ANK3: variants seen among roughly 807,000 people sequenced by gnomAD.
The protein encoded by ANK3 is ankyrin-3.
ANK3 carries 57 observed loss-of-function variants against 370.9 expected under a neutral mutation model. The observed-to-expected ratio is 0.15, with a 90% CI of 0.12 to 0.19. The LOEUF is 0.19. Among genes scored for constraint, ANK3 ranks in the 10% least tolerant of loss-of-function variants. The pLI, the probability that ANK3 is intolerant of heterozygous loss-of-function variation, is 1.00. For missense variants in ANK3, 4,439 were observed against 5,302.1 expected (o/e 0.84, Z 5.06); for synonymous variants, 1,929 against 1,946.3 (o/e 0.99, Z 0.23).
At chr10:60,514,207 A>G (rs1595182446) in intron 2 of ANK3, among the ~76,000 whole-genome samples, 1 of 152,168 alleles carries the variant, frequency 6.6e-6, no homozygotes, top group Non-Finnish European at 1.5e-5. Flanking sequence ...ACAGTAGGCT[A>G]TTAGTAGTTA....
intron 6 of ANK3, among the ~76,000 whole-genome samples, chr10:60,263,334 TCA>T (rs1165215526): frequency 6.6e-6 from 1 of 152,166 alleles, no homozygotes; most frequent in Non-Finnish European, 1.5e-5. Flanking sequence ...AGTCCAAATG[TCA>T]CATTTCCGTC....
At chr10:60,610,449 A>T (rs1377464722) in intron 2 of ANK3, among the ~76,000 whole-genome samples, 1 of 151,774 alleles carries the variant, frequency 6.6e-6, no homozygotes, top group Non-Finnish European at 1.5e-5. Context: ...GGAGGTGGAG[A>T]CTGCAGTGAG....
intron 23 of ANK3, among the ~76,000 whole-genome samples, chr10:60,145,018 G>C (rs1224948883): frequency 2.0e-5 from 3 of 152,106 alleles, no homozygotes; most frequent in African/African-American, 7.2e-5. Flanking sequence ...CCATCACCAA[G>C]GAAAACTTCT....
intron 25 of ANK3, among the ~76,000 whole-genome samples, chr10:60,129,603 A>G (rs1219252472): frequency 6.6e-6 from 1 of 152,124 alleles, no homozygotes; most frequent in Non-Finnish European, 1.5e-5. Context: ...AAATACAAAA[A>G]TTAGCTGGGC....
Position 60,649,269 on chromosome 10 carries a change from C to T in ANK3, c.58-34045G>A, listed in dbSNP as rs1400160441. On this transcript the variant is annotated intron_variant, in intron 1 of 43. Transcript: ENST00000373827. ...CCCATCAAAAAACCACCCACATCAA[C>T]ACCAACTCCTAATAAATACATTAAA... Among the ~76,000 whole-genome samples, 5 of 151,784 alleles carry T rather than the reference C, an allele frequency of 3.3e-5. No individual in the cohort carries two copies. The South Asian group carries it at 1.0e-3, about 32-fold the overall frequency.
At chr10:60,490,386 T>C (rs556435791) in intron 2 of ANK3, among the ~76,000 whole-genome samples, 11 of 152,328 alleles carry the variant, frequency 7.2e-5, no homozygotes, top group African/African-American at 2.6e-4. Flanking sequence ...TGACGACCAC[T>C]GCTCCGCACT....
At chr10:60,541,908 T>A (rs971418918) in intron 2 of ANK3, among the ~76,000 whole-genome samples, 3 of 151,970 alleles carry the variant, frequency 2.0e-5, no homozygotes, top group Non-Finnish European at 4.4e-5. Flanking sequence ...CCTTTTATTT[T>A]GGTACAGTAG....
At chr10:60,461,989 A>T (rs2064896714) in intron 2 of ANK3, among the ~76,000 whole-genome samples, 2 of 152,192 alleles carry the variant, frequency 1.3e-5, no homozygotes, top group Admixed American at 1.3e-4. Context: ...CTGAAGAAGA[A>T]CAATGGAAGT....
At chr10:60,523,148 T>C (rs565767426) in intron 2 of ANK3, among the ~76,000 whole-genome samples, 4 of 152,244 alleles carry the variant, frequency 2.6e-5, no homozygotes, top group Non-Finnish European at 2.9e-5. Context: ...TCCTGGTATA[T>C]GCAGAAGTAG....
In ANK3 at chr10:60,071,698, G is replaced by A. The variant is rs1449959108; in HGVS notation, c.9183C>T (p.Pro3061=). 1 of 1,599,290 alleles carries A rather than the reference G, an allele frequency of 6.3e-7. No individual in the cohort carries two copies. The highest frequency in any genetic ancestry group is 2.2e-5 in the East Asian group (1 of 44,846). Residue 3061 remains proline, a synonymous_variant, in exon 37 of 44, where the codon CCC becomes CCT. Transcript: ENST00000280772. ...SLEFSPGKES[P]SSDVFDHSPI... is the part of the protein sequence containing the mutation. ...GACTGTGGTCGAATACATCACTAGAGGGAGATTCCTTTCCTGGGCTAAACT... is the reference window on the plus strand; with the variant it reads ...GACTGTGGTCGAATACATCACTAGAAGGAGATTCCTTTCCTGGGCTAAACT...
chr10:60,399,849 C>T (rs562182525), intron 2 of ANK3, among the ~76,000 whole-genome samples: 2 of 152,218 alleles, frequency 1.3e-5, no homozygotes, highest in South Asian at 4.2e-4. Flanking sequence ...AAATTCTTTC[C>T]AGCATACATC....
intron 2 of ANK3, among the ~76,000 whole-genome samples, chr10:60,471,910 T>C (rs2065229136): frequency 6.6e-6 from 1 of 151,840 alleles, no homozygotes; most frequent in African/African-American, 2.4e-5. Flanking sequence ...ATAAAGGCCC[T>C]AGAGAGAAGA....
intron 1 of ANK3, among the ~76,000 whole-genome samples, chr10:60,725,232 C>G (rs2079924757): frequency 6.6e-6 from 1 of 152,158 alleles, no homozygotes; most frequent in Non-Finnish European, 1.5e-5. Context: ...TTTATCTAAT[C>G]CTTTGCTTCT....
At chr10:60,611,462 T>C (rs750097057) in intron 2 of ANK3, among the ~76,000 whole-genome samples, 4 of 152,170 alleles carry the variant, frequency 2.6e-5, no homozygotes, top group Non-Finnish European at 5.9e-5. Flanking sequence ...CCTGACTTCT[T>C]CTGAGTGTAG....
intron 7 of ANK3, 99 bp downstream of exon 7, chr10:60,261,760 C>T (rs1487756464): frequency 4.3e-5 from 43 of 1,005,668 alleles, no homozygotes; most frequent in Non-Finnish European, 6.1e-5. Flanking sequence ...ACTGGAAGGA[C>T]TCTTGGAGAA....
intron 2 of ANK3, among the ~76,000 whole-genome samples, chr10:60,496,810 C>T (rs576150616): frequency 2.0e-5 from 3 of 151,392 alleles, no homozygotes; most frequent in South Asian, 4.2e-4. Flanking sequence ...ACTGCTTGGC[C>T]GGGAGGTAGG....
intron 1 of ANK3, among the ~76,000 whole-genome samples, chr10:60,646,961 T>C (rs2078717520): frequency 6.6e-6 from 1 of 152,170 alleles, no homozygotes; most frequent in East Asian, 1.9e-4. Flanking sequence ...TGGGGTATAT[T>C]TGTATATGTT....
chr10:60,169,383 T>TC, intron 21 of ANK3, among the ~76,000 whole-genome samples: 1 of 150,738 alleles, frequency 6.6e-6, no homozygotes. Flanking sequence ...TTTTTTTTTT[T>TC]TTTTTAATAG....
chr10:60,262,775 C>T (rs545999444), intron 6 of ANK3, among the ~76,000 whole-genome samples: 1 of 152,266 alleles, frequency 6.6e-6, no homozygotes, highest in East Asian at 1.9e-4. Flanking sequence ...AAAAACGAGT[C>T]CTGGATGAGT....
Sources: gnomAD v4.1 joint callset for allele counts (sites outside exome capture counted in the v4.1 genomes callset) on GRCh38, gnomAD v4.1.1 for gene constraint, MANE v1.5 for transcripts, NCBI Gene and HGNC (gene_info 2026-07-23, HGNC 2026-07-21) for gene names.